Variants in ABCB5 observed in about 807,000 individuals in gnomAD.
ABCB5 encodes ATP binding cassette subfamily B member 5, also known as ATP-binding cassette sub-family B member 5.
Under a neutral mutation model 144.2 loss-of-function variants are expected in ABCB5, and 155 were observed. The ratio of observed to expected loss-of-function variants is 1.08; its 90% CI spans 0.94 to 1.23. ABCB5 has a LOEUF of 1.23. Ranked by LOEUF, ABCB5 falls within the 50% of genes most tolerant of loss-of-function variation. The probability of loss-of-function intolerance (pLI) is 0.00; values close to 1 mark genes in which losing one functional copy is unlikely to be tolerated. For synonymous variants in ABCB5, 610 were observed against 528.6 expected, an observed-to-expected ratio of 1.15 and a Z score of -2.11; for missense variants, 1,830 against 1,520.8, an observed-to-expected ratio of 1.20 and a Z score of -3.38.
chr7:20,669,182 A>G (rs1785364116), intron 14 of ABCB5, among the ~76,000 whole-genome samples: 1 of 146,898 alleles, frequency 6.8e-6, no homozygotes, highest in Non-Finnish European at 1.5e-5. Context: ...CCTACTGGGA[A>G]GTGAGGAGCC....
chr7:20,680,552 A>G (rs1785757880), intron 14 of ABCB5, among the ~76,000 whole-genome samples: 2 of 150,192 alleles, frequency 1.3e-5, no homozygotes, highest in Non-Finnish European at 3.0e-5. Context: ...CCTGGGCGAC[A>G]GAGCCAGACT....
intron 9 of ABCB5, 92 bp downstream of exon 9, chr7:20,646,230 G>C: frequency 8.1e-7 from 1 of 1,230,854 alleles, no homozygotes; most frequent in Non-Finnish European, 1.1e-6. Flanking sequence ...AATATTCAAA[G>C]ATGGATGTTT....
At chr7:20,712,256 T>A (rs969514558) in intron 20 of ABCB5, among the ~76,000 whole-genome samples, 1 of 148,392 alleles carries the variant, frequency 6.7e-6, no homozygotes, top group Admixed American at 6.8e-5. Flanking sequence ...CCTTATCTTT[T>A]TTCCTCTGAT....
intron 26 of ABCB5, among the ~76,000 whole-genome samples, chr7:20,750,278 T>C (rs1782875374): frequency 6.6e-6 from 1 of 151,946 alleles, no homozygotes; most frequent in South Asian, 2.1e-4. Context: ...CAACAGGACT[T>C]GGCTCAAGAT....
At chr7:20,694,083 A>G (rs980059192) in intron 16 of ABCB5, among the ~76,000 whole-genome samples, 1 of 151,404 alleles carries the variant, frequency 6.6e-6, no homozygotes, top group African/African-American at 2.4e-5. Context: ...GATGACTTCT[A>G]TTAAAAAAAA....
At chr7:20,653,404 G>A (rs956071728) in intron 13 of ABCB5, among the ~76,000 whole-genome samples, 4 of 152,278 alleles carry the variant, frequency 2.6e-5, no homozygotes, top group Middle Eastern at 6.8e-3. Flanking sequence ...ATTGGGGAAA[G>A]CTATTGTAAA....
At chr7:20,688,728 A>G (rs527841406) in intron 16 of ABCB5, among the ~76,000 whole-genome samples, 1 of 152,356 alleles carries the variant, frequency 6.6e-6, no homozygotes, top group South Asian at 2.1e-4. Context: ...CCAAATGCCC[A>G]TCAATGATAG....
chr7:20,626,633 G>C (rs1004187349), intron 3 of ABCB5, 22 bp downstream of exon 3: 1 of 1,586,298 alleles, frequency 6.3e-7, no homozygotes, highest in Non-Finnish European at 8.6e-7. Context: ...CAGTTAGAAA[G>C]TACATGCATT....
intron 5 of ABCB5, among the ~76,000 whole-genome samples, chr7:20,637,071 AT>A (rs1784174857): frequency 1.3e-5 from 2 of 152,110 alleles, no homozygotes; most frequent in Non-Finnish European, 2.9e-5. Context: ...GTGGAACATA[AT>A]TTATTTCTGC....
intron 20 of ABCB5, among the ~76,000 whole-genome samples, chr7:20,712,192 A>T (rs1489151305): frequency 2.9e-5 from 3 of 103,222 alleles, no homozygotes; most frequent in Non-Finnish European, 3.8e-5. Context: ...AGATATTGAG[A>T]TATTGCTCTA....
At chr7:20,666,173 A>T (rs1293717188) in intron 14 of ABCB5, among the ~76,000 whole-genome samples, 1 of 88,890 alleles carries the variant, frequency 1.1e-5, no homozygotes, top group Non-Finnish European at 2.2e-5. Flanking sequence ...TCTGTCTCAA[A>T]AAAAAAAAAA....
chr7:20,673,926 A>G (rs1562555352), intron 14 of ABCB5, among the ~76,000 whole-genome samples: 5 of 151,854 alleles, frequency 3.3e-5, no homozygotes, highest in Admixed American at 2.6e-4. Context: ...TTATTTATAG[A>G]ACTTTGATAT....
chr7:20,643,106 A>G, intron 5 of ABCB5, 78 bp from the exon 6 acceptor site: 2 of 1,269,936 alleles, frequency 1.6e-6, no homozygotes, highest in Non-Finnish European at 2.2e-6. Flanking sequence ...TCAATCAAAT[A>G]CTGTGATCGA....
rs1562559097 is a variant in ABCB5 at position 20,681,056 on chromosome 7, CTCTCTTTCTTTCTT to C, written c.1708-445_1708-432del. On this transcript the variant is annotated intron_variant, in intron 14 of 27. Coordinates refer to ENST00000404938, the MANE Select transcript of ABCB5 (RefSeq NM_001163941.2). The stretch of plus-strand genomic sequence containing the variant: ...TTTCTCTTTCTTTCTTTCTCTCTCT[CTCTCTTTCTTTCTT>C]TCTTTCTTTCTTTCTTTCTTTCTTT... Among the ~76,000 whole-genome samples the C allele has an allele frequency of 2.9e-3, 150 of 51,314 alleles. 15 individuals carry two copies. Among genetic ancestry groups the C allele is most frequent in the African/African-American group, 8.7e-3 (123 of 14,140 alleles). The allele number at this position is 51,314 out of a possible 152,430, so 33.7% of individuals were successfully genotyped here.
intron 14 of ABCB5, among the ~76,000 whole-genome samples, chr7:20,668,457 T>A (rs1376366361): frequency 6.7e-6 from 1 of 150,192 alleles, no homozygotes; most frequent in Non-Finnish European, 1.5e-5. Context: ...GGCCGCCCCG[T>A]CTGAGAAGCG....
intron 12 of ABCB5, among the ~76,000 whole-genome samples, chr7:20,650,482 G>A (rs1033896174): frequency 1.2e-4 from 18 of 151,960 alleles, no homozygotes; most frequent in African/African-American, 2.2e-4. Context: ...GAAAAATAGC[G>A]TATTAACATC....
At chr7:20,707,686 T>C (rs1438622995) in intron 20 of ABCB5, among the ~76,000 whole-genome samples, 1 of 152,180 alleles carries the variant, frequency 6.6e-6, no homozygotes, top group Non-Finnish European at 1.5e-5. Context: ...ATCAGAGCTG[T>C]AATATGTTGC....
chr7:20,667,230 A>G lies in ABCB5; in HGVS notation c.1707+8554A>G, dbSNP rs139841800. ...AACATAATATCTACCTTAATCAAAT[A>G]TTTATAGTTTAGGCCAGGAGCCTGG... On this transcript the variant is annotated intron_variant, in intron 14 of 27. Transcript: ENST00000404938. 1,323 of 953,364 alleles carry G rather than the reference A, an allele frequency of 1.4e-3. 41 individuals carry two copies. The South Asian group carries it at 0.046, about 33-fold the overall frequency. 59.1% of individuals were successfully genotyped at this position (953,364 alleles called of 1,614,324 possible). A position where few individuals can be genotyped will look rare whatever the true frequency, so the allele number is the denominator to read the frequency against.
intron 13 of ABCB5, among the ~76,000 whole-genome samples, chr7:20,652,940 A>T (rs1267489534): frequency 1.6e-5 from 2 of 123,188 alleles, no homozygotes; most frequent in Non-Finnish European, 3.9e-5. Flanking sequence ...TTTTTAATTT[A>T]AAAAATTTGT....
Sources: gnomAD v4.1 joint callset for allele counts (sites outside exome capture counted in the v4.1 genomes callset) on GRCh38, gnomAD v4.1.1 for gene constraint, MANE v1.5 for transcripts, NCBI Gene and HGNC (gene_info 2026-07-23, HGNC 2026-07-21) for gene names.